Variants in CHDH observed in about 807,000 individuals in gnomAD.
CHDH encodes choline dehydrogenase, mitochondrial.
Under a neutral mutation model 56.9 loss-of-function variants are expected in CHDH, and 43 were observed. The observed-to-expected ratio is 0.76, with a 90% CI of 0.59 to 0.97. The LOEUF is 0.97. Among genes scored for constraint, CHDH ranks in the 50% least tolerant of loss-of-function variants. The pLI, the probability that CHDH is intolerant of heterozygous loss-of-function variation, is 0.00. For synonymous variants in CHDH, 364 were observed against 348.5 expected (o/e 1.04, Z -0.50); for missense variants, 816 against 821.1 (o/e 0.99, Z 0.08).
intron 2 of CHDH, among the ~76,000 whole-genome samples, chr3:53,824,888 C>T (rs932818357): frequency 6.6e-6 from 1 of 152,208 alleles, no homozygotes; most frequent in African/African-American, 2.4e-5. Flanking sequence ...CCAAGACAGG[C>T]TGAAACAAAA....
chr3:53,840,107 A>T (rs1698624846), intron 2 of CHDH, among the ~76,000 whole-genome samples: 1 of 152,222 alleles, frequency 6.6e-6, no homozygotes, highest in African/African-American at 2.4e-5. Context: ...AGATAGAAGA[A>T]TTATCTAATA....
chr3:53,828,931 CAA>C (rs1191001359), intron 2 of CHDH, among the ~76,000 whole-genome samples: 1 of 152,106 alleles, frequency 6.6e-6, no homozygotes, highest in Non-Finnish European at 1.5e-5. Flanking sequence ...TATGTCCAAA[CAA>C]AAACCAGGAA....
At chr3:53,840,289 G>C (rs542824587) in intron 2 of CHDH, among the ~76,000 whole-genome samples, 1 of 152,324 alleles carries the variant, frequency 6.6e-6, no homozygotes, top group South Asian at 2.1e-4. Context: ...GGGAGGCAGA[G>C]GTGGAGGTGG....
At chr3:53,825,145 C>A (rs2095636646) in intron 2 of CHDH, among the ~76,000 whole-genome samples, 1 of 152,236 alleles carries the variant, frequency 6.6e-6, no homozygotes, top group Admixed American at 6.5e-5. Flanking sequence ...AACAACCCAA[C>A]AGAATGAAAG....
intron 2 of CHDH, 78 bp downstream of exon 2, chr3:53,840,851 C>A (rs1243102799): frequency 6.6e-6 from 1 of 152,216 alleles, no homozygotes; most frequent in African/African-American, 2.4e-5. Flanking sequence ...GGGTGTTCTG[C>A]AAATGCTCAT....
intron 8 of CHDH, 126 bp from the exon 9 acceptor site, chr3:53,818,321 G>T: frequency 1.2e-6 from 1 of 846,494 alleles, no homozygotes; most frequent in Non-Finnish European, 1.8e-6. Flanking sequence ...AAAGTTCAGG[G>T]CCATGGGGGA....
At chr3:53,840,523 T>G (rs1698638139) in intron 2 of CHDH, among the ~76,000 whole-genome samples, 1 of 18,834 alleles carries the variant, frequency 5.3e-5, no homozygotes, top group Non-Finnish European at 1.4e-4. Context: ...AAAGACCTTG[T>G]CTCAAAAAAA....
intron 1 of CHDH, among the ~76,000 whole-genome samples, chr3:53,843,906 C>T (rs3774616): frequency 0.92 from 140,811 of 152,306 alleles, 65,423 homozygotes; most frequent in Middle Eastern, 0.97. Context: ...GCCACAAAGT[C>T]ATCAGGCTTA....
chr3:53,830,568 T>G (rs1161482859), intron 2 of CHDH, among the ~76,000 whole-genome samples: 1 of 152,016 alleles, frequency 6.6e-6, no homozygotes, highest in African/African-American at 2.4e-5. Flanking sequence ...ACTTCAATAC[T>G]CAGATTTCAA....
At position 53,813,459 on chromosome 3, in the gene CHDH, C is replaced by G. The variant is rs2095609544; in HGVS notation, c.*4318G>C. ...TGGTTCCTTCGGTGCCAATGGTAACCTAATACCAGCCGCAGGGAGCGCCAT... is the reference window on the plus strand; with the variant it reads ...TGGTTCCTTCGGTGCCAATGGTAACGTAATACCAGCCGCAGGGAGCGCCAT... On this transcript the variant is annotated 3_prime_UTR_variant, in exon 9 of 9. Coordinates refer to ENST00000315251, the MANE Select transcript of CHDH (RefSeq NM_018397.5). 1 of 152,194 alleles carries G rather than the reference C, an allele frequency of 6.6e-6. No individual in the cohort carries two copies. The highest frequency in any genetic ancestry group is 1.5e-5 in the Non-Finnish European group (1 of 68,046). The allele number at this position is 152,194 out of a possible 1,614,324, so 9.4% of individuals were successfully genotyped here.
rs550559572 is a variant in CHDH, at chr3:53,820,309, CTG to C, written c.1120+163_1120+164del. ...CTCGCTTCAACCTGTCAGGTTGAAA[CTG>C]TGCATCCCCATTTTGAAGATGGAAA... is the stretch of plus-strand genomic sequence containing the variant. On this transcript the variant is annotated intron_variant, in intron 6 of 8. Coordinates refer to ENST00000315251, the MANE Select transcript of CHDH (RefSeq NM_018397.5). Among the ~76,000 whole-genome samples the C allele has an allele frequency of 3.9e-4, 60 of 152,334 alleles. 1 individual carries two copies. In the East Asian group the frequency reaches 0.01, roughly 26 times the overall value.
intron 2 of CHDH, among the ~76,000 whole-genome samples, chr3:53,831,471 T>C (rs1427038902): frequency 6.6e-6 from 1 of 152,244 alleles, no homozygotes; most frequent in Non-Finnish European, 1.5e-5. Flanking sequence ...AGTCCTGTGC[T>C]GACTTCAGGT....
intron 2 of CHDH, among the ~76,000 whole-genome samples, chr3:53,826,564 G>T (rs2095639413): frequency 1.3e-5 from 2 of 152,170 alleles, no homozygotes; most frequent in African/African-American, 2.4e-5. Flanking sequence ...TCCATTAAAT[G>T]ATAGAAACTC....
chr3:53,832,157 T>C (rs1467908645), intron 2 of CHDH, among the ~76,000 whole-genome samples: 1 of 152,110 alleles, frequency 6.6e-6, no homozygotes, highest in Non-Finnish European at 1.5e-5. Context: ...AGCAGAAACT[T>C]GAACAGATAT....
intron 1 of CHDH, among the ~76,000 whole-genome samples, chr3:53,843,041 G>A (rs1214375119): frequency 6.6e-6 from 1 of 152,112 alleles, no homozygotes; most frequent in Non-Finnish European, 1.5e-5. Context: ...CTGTGTGGGT[G>A]GAGGCTGGAC....
At chr3:53,828,388 T>G (rs547589601) in intron 2 of CHDH, among the ~76,000 whole-genome samples, 2 of 152,306 alleles carry the variant, frequency 1.3e-5, no homozygotes, top group South Asian at 4.1e-4. Context: ...ATGAAAGAAA[T>G]AATTGATAAG....
At position 53,819,405 on chromosome 3, in the gene CHDH, G is replaced by C. The variant is rs1362569702; in HGVS notation, c.1263+127C>G. 3.2e-6 allele frequency: 4 copies of C among 1,254,012 alleles called. No homozygotes were observed. The highest frequency in any genetic ancestry group is 4.4e-6 in the Non-Finnish European group (4 of 898,932). 77.7% of individuals were successfully genotyped at this position (1,254,012 alleles called of 1,614,324 possible). A position where few individuals can be genotyped will look rare whatever the true frequency, so the allele number is the denominator to read the frequency against. ...CTGGGCAGCTGGAAGGCAGGGGACA[G>C]GCCTCTGTGTCCCCCACTCTGCAGC... On this transcript the variant is annotated intron_variant, in intron 7 of 8. Transcript: ENST00000315251. This position sits in a 1 kb window ranked among gnomAD's most constrained non-coding sequence, Gnocchi z 5.4.
At chr3:53,833,121 A>G (rs1356745262) in intron 2 of CHDH, among the ~76,000 whole-genome samples, 2 of 152,196 alleles carry the variant, frequency 1.3e-5, no homozygotes, top group Non-Finnish European at 2.9e-5. Context: ...GTTGTTGTGT[A>G]GTTTTACAGA....
chr3:53,838,614 AG>A (rs1475573366), intron 2 of CHDH, among the ~76,000 whole-genome samples: 1 of 152,158 alleles, frequency 6.6e-6, no homozygotes, highest in African/African-American at 2.4e-5. Flanking sequence ...GGGGAGATGA[AG>A]GCTCTCCTCA....
Sources: allele counts gnomAD v4.1 joint callset (sites outside exome capture counted in the v4.1 genomes callset), GRCh38; gene constraint gnomAD v4.1.1; non-coding constraint Gnocchi (gnomAD v3.1); transcripts MANE v1.5; gene names NCBI Gene and HGNC (gene_info 2026-07-23, HGNC 2026-07-21).